SAMD12: variants seen among roughly 807,000 people sequenced by gnomAD.
SAMD12 encodes sterile alpha motif domain-containing protein 12.
In SAMD12, 9 loss-of-function variants were observed where a neutral mutation model predicts 15.0. The observed-to-expected ratio is 0.60, with a 90% CI of 0.36 to 1.05. The LOEUF (loss-of-function observed/expected upper bound fraction) is 1.05, where lower values mean the gene tolerates loss of function less well. Among genes scored for constraint, SAMD12 ranks in the 50% least tolerant of loss-of-function variants. SAMD12 has a pLI of 0.01. For synonymous variants in SAMD12, 86 were observed against 90.1 expected, an observed-to-expected ratio of 0.96 and a Z score of 0.25; for missense variants, 230 against 234.2, an observed-to-expected ratio of 0.98 and a Z score of 0.12.
intron 2 of SAMD12, among the ~76,000 whole-genome samples, chr8:118,490,523 T>C (rs377297737): frequency 1.5e-4 from 23 of 152,304 alleles, no homozygotes; most frequent in African/African-American, 5.3e-4. Flanking sequence ...AATCTGACCA[T>C]GTTAGTTAGG....
intron 4 of SAMD12, among the ~76,000 whole-genome samples, chr8:118,235,837 G>A (rs750237353): frequency 1.1e-4 from 17 of 152,148 alleles, no homozygotes; most frequent in Non-Finnish European, 2.1e-4. Flanking sequence ...ATAAGAATGT[G>A]TGGAGCTTTC....
chr8:118,263,393 T>C (rs1039849748), intron 4 of SAMD12, among the ~76,000 whole-genome samples: 1 of 151,930 alleles, frequency 6.6e-6, no homozygotes, highest in African/African-American at 2.4e-5. Context: ...CTTTTAGGGG[T>C]CTGGCATTGT....
intron 4 of SAMD12, among the ~76,000 whole-genome samples, chr8:118,221,073 T>C (rs1484392485): frequency 6.6e-6 from 1 of 151,724 alleles, no homozygotes; most frequent in Non-Finnish European, 1.5e-5. Context: ...ATGAAAGGAG[T>C]GCCTATGAGA....
At chr8:118,599,945 GA>G in intron 1 of SAMD12, among the ~76,000 whole-genome samples, 1 of 152,234 alleles carries the variant, frequency 6.6e-6, no homozygotes, top group African/African-American at 2.4e-5. Context: ...AAGACTCCCT[GA>G]AACTAGATCT....
the SAMD12 span, among the ~76,000 whole-genome samples, chr8:118,143,448 T>A: frequency 2.6e-5 from 4 of 152,318 alleles, no homozygotes; most frequent in South Asian, 2.1e-4. Context: ...ACTCAATTAG[T>A]GTCAAAAGCT....
intron 2 of SAMD12, among the ~76,000 whole-genome samples, chr8:118,558,413 A>T (rs1826605986): frequency 6.6e-6 from 1 of 152,176 alleles, no homozygotes; most frequent in Non-Finnish European, 1.5e-5. Flanking sequence ...GGTGTATGGA[A>T]CTTTAGAATT....
At chr8:118,528,882 T>C (rs1825606164) in intron 2 of SAMD12, among the ~76,000 whole-genome samples, 1 of 152,182 alleles carries the variant, frequency 6.6e-6, no homozygotes, top group South Asian at 2.1e-4. Flanking sequence ...CTTTCAAAGT[T>C]TTAGGTGCTT....
chr8:118,141,140 C>G, the SAMD12 span, among the ~76,000 whole-genome samples: 1 of 152,170 alleles, frequency 6.6e-6, no homozygotes, highest in Non-Finnish European at 1.5e-5. Flanking sequence ...TAAGCAGCTA[C>G]AGAAGCAAAT....
Position 118,221,584 on chromosome 8 carries a change from G to A in SAMD12, c.434-23852C>T, listed in dbSNP as rs574051229. On this transcript the variant is annotated intron_variant, in intron 4 of 4. Transcript: ENST00000409003. Reference sequence around the variant, plus strand: ...AGTTAATTGAGTGAGGGGTGGGAGAGAGATGGGGTTGTAGTGGCTTGCAAC... The same window carrying A: ...AGTTAATTGAGTGAGGGGTGGGAGAAAGATGGGGTTGTAGTGGCTTGCAAC... Among the ~76,000 whole-genome samples, 8 of 152,322 alleles carry A rather than the reference G, an allele frequency of 5.3e-5. No individual in the cohort carries two copies. In the South Asian group the frequency reaches 1.7e-3, roughly 32 times the overall value.
the SAMD12 span, among the ~76,000 whole-genome samples, chr8:118,163,303 A>G: frequency 6.6e-6 from 1 of 152,060 alleles, no homozygotes; most frequent in African/African-American, 2.4e-5. Context: ...TGGTCTCAAA[A>G]TCCTGGGCTC....
intron 4 of SAMD12, among the ~76,000 whole-genome samples, chr8:118,312,887 A>C (rs1244334095): frequency 2.0e-5 from 3 of 152,188 alleles, no homozygotes; most frequent in Non-Finnish European, 4.4e-5. Flanking sequence ...GAGACTGAGC[A>C]AGGGAAGCTT....
At chr8:118,421,891 C>T (rs1001519150) in intron 3 of SAMD12, among the ~76,000 whole-genome samples, 8 of 152,154 alleles carry the variant, frequency 5.3e-5, no homozygotes, top group African/African-American at 1.7e-4. Context: ...GTCATTCAAT[C>T]GCACTTGAAG....
intron 1 of SAMD12, among the ~76,000 whole-genome samples, chr8:118,606,520 G>A (rs1827989072): frequency 6.6e-6 from 1 of 151,934 alleles, no homozygotes; most frequent in South Asian, 2.1e-4. Context: ...GATGGCCCTG[G>A]GGTGAACCCC....
At chr8:118,599,746 A>T (rs1827813423) in intron 1 of SAMD12, among the ~76,000 whole-genome samples, 1 of 152,164 alleles carries the variant, frequency 6.6e-6, no homozygotes, top group South Asian at 2.1e-4. Context: ...AATCAGAGAG[A>T]CCTTACTACT....
chr8:118,479,051 G>A (rs539960010), intron 2 of SAMD12, among the ~76,000 whole-genome samples: 2 of 151,744 alleles, frequency 1.3e-5, no homozygotes, highest in South Asian at 4.2e-4. Flanking sequence ...CACAAAACTC[G>A]GCATTGGCTC....
intron 2 of SAMD12, among the ~76,000 whole-genome samples, chr8:118,556,739 C>T (rs905468276): frequency 3.1e-4 from 47 of 151,886 alleles, no homozygotes; most frequent in African/African-American, 1.1e-3. Flanking sequence ...CCGAGGCGGG[C>T]GAATCACAAA....
intron 1 of SAMD12, among the ~76,000 whole-genome samples, chr8:118,604,937 AT>A (rs1343178783): frequency 6.6e-6 from 1 of 152,114 alleles, no homozygotes; most frequent in East Asian, 1.9e-4. Context: ...AATAAAAAAA[AT>A]AAAAATAAAT....
intron 2 of SAMD12, among the ~76,000 whole-genome samples, chr8:118,537,131 G>A (rs1825867378): frequency 6.6e-6 from 1 of 152,164 alleles, no homozygotes; most frequent in Admixed American, 6.5e-5. Context: ...GCTTTCCACT[G>A]AAAAGTCTGT....
intron 2 of SAMD12, among the ~76,000 whole-genome samples, chr8:118,441,796 T>C (rs756936368): frequency 6.6e-6 from 1 of 152,184 alleles, no homozygotes; most frequent in Non-Finnish European, 1.5e-5. Context: ...CTATGTGACT[T>C]CTGAGGTTAG....
Sources: gnomAD v4.1 joint callset for allele counts (sites outside exome capture counted in the v4.1 genomes callset) on GRCh38, gnomAD v4.1.1 for gene constraint, MANE v1.5 for transcripts, NCBI Gene and HGNC (gene_info 2026-07-23, HGNC 2026-07-21) for gene names.